Variants in LCLAT1 observed in about 807,000 individuals in gnomAD.
LCLAT1 encodes 1-AGP acyltransferase 8.
A neutral mutation model predicts 30.7 loss-of-function variants in LCLAT1; 11 were observed. That is an observed-to-expected ratio of 0.36 (90% CI 0.23 to 0.59). The LOEUF (loss-of-function observed/expected upper bound fraction) is 0.59, where lower values mean the gene tolerates loss of function less well. Among genes scored for constraint, LCLAT1 ranks in the 20% least tolerant of loss-of-function variants. LCLAT1 has a pLI of 0.77. For synonymous variants in LCLAT1, 155 were observed against 151.3 expected (o/e 1.02, Z -0.18); for missense variants, 402 against 458.6 (o/e 0.88, Z 1.13).
chr2:30,559,413 G>A (rs1302915624), intron 3 of LCLAT1, among the ~76,000 whole-genome samples: 2 of 152,100 alleles, frequency 1.3e-5, no homozygotes, highest in African/African-American at 4.8e-5. Context: ...TGTCATTATT[G>A]TATACCAAAT....
In LCLAT1 at chr2:30,525,627, C is replaced by G. The variant is rs759507443; in HGVS notation, c.37C>G (p.Leu13Val). ...GAAAGGGATTTACTTTATACTGACTCTGTTTTGGGGAAGCTTTTTTGGAAG... is the reference window on the plus strand; with the variant it reads ...GAAAGGGATTTACTTTATACTGACTGTGTTTTGGGGAAGCTTTTTTGGAAG... ...SWKGIYFILT[L>V]FWGSFFGSIF... The change falls in exon 2 of 6, where the codon CTG becomes GTG. Residue 13 changes from leucine (L) to valine (V), a missense_variant. Coordinates refer to ENST00000379509, the MANE Select transcript of LCLAT1 (RefSeq NM_001002257.3). 6.2e-6 allele frequency: 10 copies of G among 1,613,838 alleles called. No homozygotes were observed. Among genetic ancestry groups the G allele is most frequent in the Non-Finnish European group, 8.5e-6 (10 of 1,179,844 alleles).
At chr2:30,622,011 G>T (rs1042247178) in intron 5 of LCLAT1, among the ~76,000 whole-genome samples, 5 of 152,164 alleles carry the variant, frequency 3.3e-5, no homozygotes, top group African/African-American at 1.2e-4. Flanking sequence ...AGTGAGGGGG[G>T]TTGTAGCCTG....
intron 1 of LCLAT1, chr2:30,476,629 C>T (rs1683059552): frequency 2.4e-6 from 1 of 421,352 alleles, no homozygotes; most frequent in South Asian, 1.7e-5. Flanking sequence ...CCGATTCTAC[C>T]ATTATGGTGA....
chr2:30,547,929 A>G (rs1282619002), intron 3 of LCLAT1, among the ~76,000 whole-genome samples: 2 of 152,200 alleles, frequency 1.3e-5, no homozygotes, highest in Non-Finnish European at 2.9e-5. Context: ...AGTAAATTTT[A>G]TTAATGCTAG....
chr2:30,535,268 A>C (rs1317396525), intron 3 of LCLAT1, among the ~76,000 whole-genome samples: 2 of 152,230 alleles, frequency 1.3e-5, no homozygotes, highest in African/African-American at 2.4e-5. Context: ...CAATTGATTT[A>C]TGAAGAGAAA....
intron 1 of LCLAT1, among the ~76,000 whole-genome samples, chr2:30,515,272 C>T (rs1685127085): frequency 1.3e-5 from 2 of 152,172 alleles, no homozygotes; most frequent in Non-Finnish European, 2.9e-5. Flanking sequence ...ACCTCCTATC[C>T]CTCTATTACA....
intron 3 of LCLAT1, among the ~76,000 whole-genome samples, chr2:30,549,919 C>T (rs747321719): frequency 1.6e-4 from 24 of 152,024 alleles, no homozygotes; most frequent in Non-Finnish European, 2.5e-4. Flanking sequence ...GTAATGAATA[C>T]CAGGCAGGGA....
chr2:30,631,456 A>G (rs1413298645), intron 5 of LCLAT1, among the ~76,000 whole-genome samples: 2 of 152,144 alleles, frequency 1.3e-5, no homozygotes, highest in Non-Finnish European at 2.9e-5. Flanking sequence ...TTAGAAAATA[A>G]ACCACAGCAT....
intron 1 of LCLAT1, among the ~76,000 whole-genome samples, chr2:30,462,343 C>T (rs139456734): frequency 2.0e-5 from 3 of 152,164 alleles, no homozygotes; most frequent in East Asian, 1.9e-4. Context: ...AAAGAATGTC[C>T]GTATAAAAAT....
At chr2:30,455,909 C>A (rs1188548995) in intron 1 of LCLAT1, among the ~76,000 whole-genome samples, 35 of 60,976 alleles carry the variant, frequency 5.7e-4, no homozygotes, top group South Asian at 1.6e-3. Context: ...GACCCTATAT[C>A]AAAAAAAAAA....
At position 30,524,333 on chromosome 2, in the gene LCLAT1, C is replaced by T. The variant is rs1383759219; in HGVS notation, c.-4-1254C>T. On this transcript the variant is annotated intron_variant, in intron 1 of 5. Transcript: ENST00000379509. ...AAGAGTCAATTAAAGACCAAGTACC[C>T]AAGATGTTATTTTCAGATTCTAATA... Among the ~76,000 whole-genome samples the T allele has an allele frequency of 2.0e-5, 3 of 152,092 alleles. No individual in the cohort carries two copies. In the East Asian group the frequency reaches 5.8e-4, roughly 29 times the overall value.
chr2:30,548,419 C>A (rs1664525154), intron 3 of LCLAT1, among the ~76,000 whole-genome samples: 2 of 152,122 alleles, frequency 1.3e-5, no homozygotes, highest in South Asian at 4.2e-4. Context: ...AAAGGTGGGA[C>A]AACTTAAAGC....
chr2:30,619,273 TG>T (rs1186705613), intron 5 of LCLAT1, among the ~76,000 whole-genome samples: 1 of 152,158 alleles, frequency 6.6e-6, no homozygotes, highest in Non-Finnish European at 1.5e-5. Flanking sequence ...CCTAGCTGAG[TG>T]AATACTGGTG....
chr2:30,499,499 T>A (rs979742255), intron 1 of LCLAT1, among the ~76,000 whole-genome samples: 3 of 152,162 alleles, frequency 2.0e-5, no homozygotes, highest in African/African-American at 7.2e-5. Context: ...GTGTTTTTAT[T>A]TGTTTCATAT....
At chr2:30,600,788 T>G (rs1041271622) in intron 5 of LCLAT1, among the ~76,000 whole-genome samples, 3 of 152,182 alleles carry the variant, frequency 2.0e-5, no homozygotes, top group African/African-American at 7.2e-5. Context: ...ATGGAGTATC[T>G]TACTGGGGTT....
intron 5 of LCLAT1, among the ~76,000 whole-genome samples, chr2:30,602,602 T>G (rs1043677506): frequency 2.6e-5 from 4 of 152,222 alleles, no homozygotes; most frequent in African/African-American, 4.8e-5. Flanking sequence ...CTTCTCTGTC[T>G]CATTTCTTTC....
intron 4 of LCLAT1, among the ~76,000 whole-genome samples, chr2:30,565,379 C>T (rs568199766): frequency 7.9e-5 from 12 of 152,308 alleles, no homozygotes; most frequent in African/African-American, 2.6e-4. Context: ...ATGGGGCCTA[C>T]TCCCATTGTG....
intron 1 of LCLAT1, among the ~76,000 whole-genome samples, chr2:30,477,993 G>A (rs1201004887): frequency 1.3e-5 from 2 of 150,980 alleles, no homozygotes; most frequent in East Asian, 1.9e-4. Flanking sequence ...TTAAGGGATA[G>A]GAATTAAGGA....
chr2:30,631,937 G>A (rs895665), intron 5 of LCLAT1, among the ~76,000 whole-genome samples: 132,420 of 152,228 alleles, frequency 0.87, 57,923 homozygotes, highest in African/African-American at 0.94. Flanking sequence ...CTATTAATGT[G>A]TTAAAGTCAA....
Sources: gnomAD v4.1 joint callset for allele counts (sites outside exome capture counted in the v4.1 genomes callset) on GRCh38, gnomAD v4.1.1 for gene constraint, MANE v1.5 for transcripts, NCBI Gene and HGNC (gene_info 2026-07-23, HGNC 2026-07-21) for gene names.